The following NLGN1 variants were observed in gnomAD, a reference collection of about 807,000 sequenced individuals.
The protein encoded by NLGN1 is neuroligin 1, also known as neuroligin-1.
A neutral mutation model predicts 65.5 loss-of-function variants in NLGN1; 12 were observed. That is an observed-to-expected ratio of 0.18 (90% CI 0.12 to 0.30). The LOEUF is 0.30. NLGN1 is among the 10% of genes least tolerant of loss of function. The pLI is 1.00. For missense variants in NLGN1, 750 were observed against 1,007.1 expected (o/e 0.74, Z 3.46); for synonymous variants, 350 against 359.5 (o/e 0.97, Z 0.30).
At chr3:173,450,516 T>C (rs1337926676) in intron 2 of NLGN1, among the ~76,000 whole-genome samples, 2 of 152,196 alleles carry the variant, frequency 1.3e-5, no homozygotes, top group Non-Finnish European at 2.9e-5. Context: ...ATTTCAACTT[T>C]GGTGAATCTG....
chr3:174,289,267 A>G (rs1023367373), downstream of NLGN1, among the ~76,000 whole-genome samples: 3 of 151,358 alleles, frequency 2.0e-5, no homozygotes, highest in Admixed American at 2.0e-4. Flanking sequence ...ATCTACTAAT[A>G]CTTGTTGATG....
intron 2 of NLGN1, among the ~76,000 whole-genome samples, chr3:173,514,465 TGTGA>T (rs1310620432): frequency 1.3e-5 from 2 of 152,186 alleles, no homozygotes; most frequent in Non-Finnish European, 2.9e-5. Context: ...AGCTGTCACT[TGTGA>T]GTGAGAATTT....
At chr3:174,248,990 G>A (rs2152840168) in intron 4 of NLGN1, among the ~76,000 whole-genome samples, 1 of 152,270 alleles carries the variant, frequency 6.6e-6, no homozygotes, top group East Asian at 1.9e-4. Context: ...CTGCGATGCT[G>A]CTATATTTAA....
chr3:173,918,660 ATGTGTG>A (rs71162369), intron 4 of NLGN1, among the ~76,000 whole-genome samples: 3,845 of 111,690 alleles, frequency 0.034, 78 homozygotes, highest in African/African-American at 0.041. Context: ...AGAAATACAT[ATGTGTG>A]TGTGTGTGTG....
intron 2 of NLGN1, among the ~76,000 whole-genome samples, chr3:173,603,682 T>G (rs1750924210): frequency 6.6e-6 from 1 of 152,118 alleles, no homozygotes; most frequent in Non-Finnish European, 1.5e-5. Flanking sequence ...AAGCAAAATT[T>G]TATGAAAACA....
intron 2 of NLGN1, among the ~76,000 whole-genome samples, chr3:173,518,551 CAT>C (rs1491102615): frequency 2.0e-5 from 3 of 149,604 alleles, no homozygotes; most frequent in African/African-American, 7.4e-5. Context: ...TGTGTGCATG[CAT>C]GTGTGTGTGT....
At chr3:174,053,664 C>G (rs971833731) in intron 4 of NLGN1, among the ~76,000 whole-genome samples, 3 of 151,888 alleles carry the variant, frequency 2.0e-5, no homozygotes, top group Non-Finnish European at 4.4e-5. Flanking sequence ...TTCAACTCTT[C>G]CTTTCCCTGC....
Position 173,713,100 on chromosome 3 carries a change from T to A in NLGN1, c.494-94580T>A, listed in dbSNP as rs572078614. ...TACTTTAAACAAGGTTGCATTTTTATAATTCTGGGCAGACATAAAAATATC... is the reference window on the plus strand; with the variant it reads ...TACTTTAAACAAGGTTGCATTTTTAAAATTCTGGGCAGACATAAAAATATC... On this transcript the variant is annotated intron_variant, in intron 3 of 6. Coordinates refer to ENST00000457714, the Ensembl canonical transcript of NLGN1. 3.3e-5 allele frequency among the ~76,000 whole-genome samples: 5 copies of A among 152,268 alleles called. No homozygotes were observed. In the East Asian group the frequency reaches 7.7e-4, roughly 23 times the overall value.
At chr3:173,916,613 A>G (rs892249583) in intron 4 of NLGN1, among the ~76,000 whole-genome samples, 25 of 152,134 alleles carry the variant, frequency 1.6e-4, no homozygotes, top group Admixed American at 1.6e-3. Context: ...TTCTAATGCT[A>G]TTTTTATTTA....
intron 4 of NLGN1, among the ~76,000 whole-genome samples, chr3:173,820,017 T>C (rs890081075): frequency 6.6e-6 from 1 of 151,966 alleles, no homozygotes; most frequent in Non-Finnish European, 1.5e-5. Context: ...TGAAACCCCG[T>C]CTCTACTGAA....
At chr3:173,919,399 T>G (rs1350738449) in intron 4 of NLGN1, among the ~76,000 whole-genome samples, 3 of 152,174 alleles carry the variant, frequency 2.0e-5, no homozygotes, top group Admixed American at 2.0e-4. Flanking sequence ...TTTCTTGGGT[T>G]TTTACCATAT....
chr3:173,727,325 CAT>C (rs1253782319), intron 3 of NLGN1, among the ~76,000 whole-genome samples: 4 of 152,092 alleles, frequency 2.6e-5, no homozygotes, highest in Non-Finnish European at 5.9e-5. Flanking sequence ...AGGAGAGAAA[CAT>C]ATTTTCCTTT....
chr3:174,035,559 G>T (rs1364778204), intron 4 of NLGN1, among the ~76,000 whole-genome samples: 2 of 152,126 alleles, frequency 1.3e-5, no homozygotes, highest in Non-Finnish European at 2.9e-5. Flanking sequence ...TTTACCACAT[G>T]GGTTGATGTG....
At chr3:174,162,262 C>G (rs1309061775) in intron 4 of NLGN1, among the ~76,000 whole-genome samples, 1 of 151,820 alleles carries the variant, frequency 6.6e-6, no homozygotes, top group African/African-American at 2.4e-5. Context: ...TCTCTAGGCT[C>G]TGTTTAATCA....
intron 2 of NLGN1, among the ~76,000 whole-genome samples, chr3:173,535,968 CAA>C (rs1233589229): frequency 3.3e-5 from 5 of 152,194 alleles, no homozygotes; most frequent in Non-Finnish European, 7.3e-5. Context: ...TGTGATAAAA[CAA>C]GAGAAACCTC....
chr3:173,564,927 A>G (rs1371597760), intron 2 of NLGN1, among the ~76,000 whole-genome samples: 3 of 152,144 alleles, frequency 2.0e-5, no homozygotes, highest in South Asian at 4.1e-4. Flanking sequence ...AACCACCTCT[A>G]TTTGCTGGAC....
chr3:173,772,901 C>T (rs1327320201), intron 3 of NLGN1, among the ~76,000 whole-genome samples: 3 of 152,132 alleles, frequency 2.0e-5, no homozygotes, highest in Non-Finnish European at 4.4e-5. Flanking sequence ...AATTCCACCT[C>T]GCTTTTGCAT....
chr3:174,108,665 G>A (rs935727665), intron 4 of NLGN1, among the ~76,000 whole-genome samples: 2 of 152,022 alleles, frequency 1.3e-5, no homozygotes, highest in African/African-American at 4.8e-5. Context: ...ATTACTAAGA[G>A]GAAACATCAG....
At chr3:174,266,670 C>T (rs1301165096) in intron 4 of NLGN1, among the ~76,000 whole-genome samples, 2 of 152,190 alleles carry the variant, frequency 1.3e-5, no homozygotes, top group Non-Finnish European at 2.9e-5. Context: ...TATCATTCCA[C>T]AAGTAGTGTA....
Sources: gnomAD v4.1 joint callset for allele counts (sites outside exome capture counted in the v4.1 genomes callset) on GRCh38, gnomAD v4.1.1 for gene constraint, MANE v1.5 for transcripts, NCBI Gene and HGNC (gene_info 2026-07-23, HGNC 2026-07-21) for gene names.